ITSN1: variants seen among roughly 807,000 people sequenced by gnomAD.
ITSN1 encodes the protein intersectin 1, also known as intersectin-1.
In ITSN1, 58 loss-of-function variants were observed where a neutral mutation model predicts 239.8. That is an observed-to-expected ratio of 0.24 (90% CI 0.20 to 0.30). ITSN1 has a LOEUF of 0.30. Ranked by LOEUF, ITSN1 falls within the 10% of genes least tolerant of loss-of-function variation. ITSN1 has a pLI of 1.00. For synonymous variants in ITSN1, 780 were observed against 770.8 expected, an observed-to-expected ratio of 1.01 and a Z score of -0.20; for missense variants, 1,558 against 2,103.3, an observed-to-expected ratio of 0.74 and a Z score of 5.07.
intron 1 of ITSN1, among the ~76,000 whole-genome samples, chr21:33,674,457 G>A (rs955586823): frequency 6.6e-6 from 1 of 152,104 alleles, no homozygotes; most frequent in Non-Finnish European, 1.5e-5. Flanking sequence ...ATTAATGCTG[G>A]TGCTGTTGGT....
chr21:33,782,253 A>C, intron 16 of ITSN1, 120 bp downstream of exon 16: 3 of 980,480 alleles, frequency 3.1e-6, no homozygotes, highest in Non-Finnish European at 4.7e-6. Context: ...GAGACAATCT[A>C]AATTGCACTT....
chr21:33,794,511 G>A (rs115546104), intron 17 of ITSN1, 43 bp downstream of exon 17: 3 of 1,574,768 alleles, frequency 1.9e-6, no homozygotes, highest in African/African-American at 2.8e-5. Context: ...AAGGAACTTT[G>A]AGGATTTACT....
intron 29 of ITSN1, among the ~76,000 whole-genome samples, chr21:33,840,918 T>C (rs1420982625): frequency 1.3e-5 from 2 of 152,130 alleles, no homozygotes; most frequent in African/African-American, 4.8e-5. Context: ...ACAAGATGAG[T>C]CCAAATGAGA....
intron 31 of ITSN1, among the ~76,000 whole-genome samples, chr21:33,859,143 G>A (rs941423761): frequency 1.1e-4 from 16 of 152,178 alleles, no homozygotes; most frequent in African/African-American, 3.6e-4. Context: ...TCCCTCGGAC[G>A]CGGGATCCCA....
intron 21 of ITSN1, among the ~76,000 whole-genome samples, chr21:33,811,473 G>A (rs745948143): frequency 2.0e-5 from 3 of 152,140 alleles, no homozygotes; most frequent in Non-Finnish European, 2.9e-5. Context: ...GTTCAATAAT[G>A]TATTTGTATC....
chr21:33,666,407 T>G (rs1373419154), intron 1 of ITSN1, among the ~76,000 whole-genome samples: 1 of 152,236 alleles, frequency 6.6e-6, no homozygotes, highest in Non-Finnish European at 1.5e-5. Flanking sequence ...CTGAATTGCA[T>G]ACTTTAAAAT....
rs1239227240 is a variant in ITSN1 at position 33,675,212 on chromosome 21, T to C, written c.-33+32499T>C. ...GTTGTAGCTGATGCTCTTCATCCAC[T>C]GGCCCCTCCCATTTCTCATTTCTCT... On this transcript the variant is annotated intron_variant, in intron 1 of 39. Coordinates refer to ENST00000381318, the MANE Select transcript of ITSN1 (RefSeq NM_003024.3). Among the ~76,000 whole-genome samples the C allele has an allele frequency of 3.3e-5, 5 of 152,162 alleles. No individual in the cohort carries two copies. In the East Asian group the frequency reaches 9.6e-4, roughly 29 times the overall value.
intron 5 of ITSN1, among the ~76,000 whole-genome samples, chr21:33,742,547 A>G (rs2066926241): frequency 6.6e-6 from 1 of 152,188 alleles, no homozygotes; most frequent in African/African-American, 2.4e-5. Context: ...GAGAGCAGCA[A>G]TAGAAATAGG....
At chr21:33,733,377 C>T (rs1012847050) in intron 4 of ITSN1, among the ~76,000 whole-genome samples, 1 of 152,094 alleles carries the variant, frequency 6.6e-6, no homozygotes, top group African/African-American at 2.4e-5. Flanking sequence ...ATAACTCCCC[C>T]ACCCCTACCC....
In ITSN1 at chr21:33,836,967, T is replaced by C. The variant is rs922669948; in HGVS notation, c.3661+335T>C. On this transcript the variant is annotated intron_variant, in intron 29 of 39. Coordinates refer to ENST00000381318, the MANE Select transcript of ITSN1 (RefSeq NM_003024.3). ...TCATTGTTTTGTTTTGCTTATGTGT[T>C]GTTTTCCTCCTTTTTCTAGGAATCA... is the stretch of plus-strand genomic sequence containing the variant. 6 of 1,608,836 alleles carry C rather than the reference T, an allele frequency of 3.7e-6. No individual in the cohort carries two copies. The Middle Eastern group carries it at 8.3e-4, about 221-fold the overall frequency.
At chr21:33,690,177 C>T (rs181315204) in intron 1 of ITSN1, among the ~76,000 whole-genome samples, 1 of 151,928 alleles carries the variant, frequency 6.6e-6, no homozygotes, top group Admixed American at 6.6e-5. Context: ...ATTCAGGAGG[C>T]TGAGGCAGGA....
chr21:33,883,414 C>CGAGT (rs1985255073), intron 35 of ITSN1, 136 bp from the exon 36 acceptor site: 3 of 1,176,916 alleles, frequency 2.5e-6, no homozygotes, highest in Non-Finnish European at 3.6e-6. Context: ...AACACACGCA[C>CGAGT]GAGTGTGCAC....
At chr21:33,731,419 C>T (rs889697968) in intron 4 of ITSN1, among the ~76,000 whole-genome samples, 17 of 152,126 alleles carry the variant, frequency 1.1e-4, no homozygotes, top group Non-Finnish European at 2.1e-4. Flanking sequence ...TAAATAGTTG[C>T]GTATCTTTTA....
intron 5 of ITSN1, among the ~76,000 whole-genome samples, chr21:33,748,349 T>G (rs140607827): frequency 6.6e-6 from 1 of 152,234 alleles, no homozygotes. Context: ...ACTTGGAGGC[T>G]GAGGCAAAAG....
intron 4 of ITSN1, among the ~76,000 whole-genome samples, chr21:33,730,356 A>G (rs1456468363): frequency 2.2e-5 from 3 of 135,550 alleles, no homozygotes; most frequent in Non-Finnish European, 4.7e-5. Context: ...TCCTCCTTAC[A>G]TTAAGGTAAC....
chr21:33,809,749 T>C (rs770037589), intron 20 of ITSN1, among the ~76,000 whole-genome samples: 90 of 152,198 alleles, frequency 5.9e-4, no homozygotes, highest in Non-Finnish European at 9.7e-4. Context: ...AAATAAGATA[T>C]AAGGTTTCAT....
chr21:33,680,217 T>C (rs2090859677), intron 1 of ITSN1, among the ~76,000 whole-genome samples: 1 of 152,188 alleles, frequency 6.6e-6, no homozygotes, highest in Non-Finnish European at 1.5e-5. Flanking sequence ...ATGTTTGTTG[T>C]CTTGTGTCCT....
At chr21:33,798,641 C>A (rs1273378938) in intron 18 of ITSN1, among the ~76,000 whole-genome samples, 1 of 152,084 alleles carries the variant, frequency 6.6e-6, no homozygotes, top group African/African-American at 2.4e-5. Flanking sequence ...CTTGGTCATC[C>A]ATGTGCTTCT....
Position 33,767,838 on chromosome 21 carries a change from C to T in ITSN1, c.1042+10C>T, listed in dbSNP as rs763776781. ...GAAAAGAAATTACCTGGTAAGGCAGCCTTTATGTTGAGTTAAATCATTTAG... is the reference window on the plus strand; with the variant it reads ...GAAAAGAAATTACCTGGTAAGGCAGTCTTTATGTTGAGTTAAATCATTTAG... On this transcript the variant is annotated intron_variant, in intron 11 of 39. Coordinates refer to ENST00000381318, the MANE Select transcript of ITSN1 (RefSeq NM_003024.3). 1.4e-6 allele frequency: 2 copies of T among 1,418,538 alleles called. No homozygotes were observed. Among genetic ancestry groups the T allele is most frequent in the African/African-American group, 2.8e-5 (2 of 70,998 alleles). The allele number at this position is 1,418,538 out of a possible 1,614,324, so 87.9% of individuals were successfully genotyped here. A position where few individuals can be genotyped will look rare whatever the true frequency, so the allele number is the denominator to read the frequency against.
Sources: gnomAD v4.1 joint callset for allele counts (sites outside exome capture counted in the v4.1 genomes callset) on GRCh38, gnomAD v4.1.1 for gene constraint, MANE v1.5 for transcripts, NCBI Gene and HGNC (gene_info 2026-07-23, HGNC 2026-07-21) for gene names.